MED14: variants seen among roughly 807,000 people sequenced by gnomAD.
MED14 encodes the protein mediator of RNA polymerase II transcription subunit 14.
Under a neutral mutation model 109.0 loss-of-function variants are expected in MED14, and 8 were observed. That is an observed-to-expected ratio of 0.07 (90% CI 0.04 to 0.13). The LOEUF is 0.13. MED14 is among the 10% of genes least tolerant of loss of function. MED14 has a pLI of 1.00. For missense variants in MED14, 711 were observed against 1,142.4 expected (o/e 0.62, Z 5.44); for synonymous variants, 399 against 408.7 (o/e 0.98, Z 0.29).
At chrX:40,674,813 G>C (rs2146643538) in intron 22 of MED14, among the ~76,000 whole-genome samples, 1 of 112,258 alleles carries the variant, frequency 8.9e-6, no homozygotes, top group African/African-American at 3.2e-5. Flanking sequence ...ATGGTCTTGA[G>C]GACAGAACCC....
chrX:40,708,190 C>T (rs976286134), intron 10 of MED14, among the ~76,000 whole-genome samples: 13 of 110,123 alleles, frequency 1.2e-4, no homozygotes, highest in African/African-American at 4.3e-4. Flanking sequence ...CTGGCAGATC[C>T]TTTATTTCTT....
intron 5 of MED14, among the ~76,000 whole-genome samples, chrX:40,713,341 G>A (rs1183509036): frequency 9.0e-6 from 1 of 111,593 alleles, no homozygotes; most frequent in Non-Finnish European, 1.9e-5. Context: ...GTATTTCTAG[G>A]TACTAAAGAG....
chrX:40,680,172 T>A, intron 20 of MED14, 39 bp from the exon 21 acceptor site: 1 of 1,172,196 alleles, frequency 8.5e-7, no homozygotes, highest in Non-Finnish European at 1.2e-6. Flanking sequence ...CCAGTTTCTG[T>A]ACAAATGTTA....
intron 28 of MED14, among the ~76,000 whole-genome samples, 176 bp from the exon 29 acceptor site, chrX:40,655,236 C>G (rs1393765648): frequency 9.0e-6 from 1 of 111,713 alleles, no homozygotes; most frequent in African/African-American, 3.3e-5. Flanking sequence ...ACTGAAAAGT[C>G]AACTGTGGAC....
chrX:40,651,182 T>C lies in MED14; in HGVS notation c.*624A>G. Reference sequence around the variant, plus strand: ...ATTTCAGACATGTATTATTATAAATTAATAACTGGCTCCATCCACCAGGTT... The same window carrying C: ...ATTTCAGACATGTATTATTATAAATCAATAACTGGCTCCATCCACCAGGTT... On this transcript the variant is annotated 3_prime_UTR_variant, in exon 31 of 31. Transcript: ENST00000324817. The C allele has an allele frequency of 5.3e-6, 4 of 751,812 alleles. No individual in the cohort carries two copies. Among genetic ancestry groups the C allele is most frequent in the Non-Finnish European group, 6.3e-6 (4 of 636,714 alleles). The allele number at this position is 751,812 out of a possible 1,213,427, so 62.0% of individuals were successfully genotyped here.
chrX:40,694,431 C>G (rs1367077558), intron 13 of MED14, among the ~76,000 whole-genome samples: 2 of 111,168 alleles, frequency 1.8e-5, no homozygotes, highest in African/African-American at 6.5e-5. Flanking sequence ...GGCTCCTGAC[C>G]AACACACATT....
chrX:40,699,233 G>C (rs1930833790), intron 12 of MED14, among the ~76,000 whole-genome samples: 1 of 112,232 alleles, frequency 8.9e-6, no homozygotes, highest in Admixed American at 9.4e-5. Context: ...TGGATTCATA[G>C]TTTTCTGAGG....
At chrX:40,728,512 A>G (rs1348807176) in intron 2 of MED14, among the ~76,000 whole-genome samples, 2 of 110,934 alleles carry the variant, frequency 1.8e-5, no homozygotes, top group Non-Finnish European at 3.8e-5. Flanking sequence ...GAAATGCTAA[A>G]AAGTTGCCAA....
Position 40,649,963 on chromosome X carries a change from T to C in MED14, c.*1843A>G, listed in dbSNP as rs909688474. 1.3e-6 allele frequency: 1 copy of C among 751,303 alleles called. No individual in the cohort carries two copies. The highest frequency in any genetic ancestry group is 1.6e-6 in the Non-Finnish European group (1 of 635,908). The allele number at this position is 751,303 out of a possible 1,213,427, so 61.9% of individuals were successfully genotyped here. A position where few individuals can be genotyped will look rare whatever the true frequency, so the allele number is the denominator to read the frequency against. On this transcript the variant is annotated 3_prime_UTR_variant, in exon 31 of 31. Coordinates refer to ENST00000324817, the MANE Select transcript of MED14 (RefSeq NM_004229.4). ...TGCAATTAACATTTCAAAACCACAT[T>C]AAAAGGGAAAATACCTAAAAAGTTA...
intron 21 of MED14, among the ~76,000 whole-genome samples, chrX:40,676,081 G>A (rs1156870736): frequency 8.9e-6 from 1 of 111,895 alleles, no homozygotes; most frequent in Non-Finnish European, 1.9e-5. Flanking sequence ...GATCCCTTGC[G>A]AGACCAACCT....
Position 40,664,409 on chromosome X carries a change from A to G in MED14, c.3346T>C (p.Ser1116Pro). 8.3e-7 allele frequency: 1 copy of G among 1,199,575 alleles called. No individual in the cohort carries two copies. Among genetic ancestry groups the G allele is most frequent in the Non-Finnish European group, 1.1e-6 (1 of 889,763 alleles). ...ATGCGTGCTGCTGGTGAGGGGCCAGACACTTGAGGAGATCCTGGCCAGTTC... is the reference window on the plus strand; with the variant it reads ...ATGCGTGCTGCTGGTGAGGGGCCAGGCACTTGAGGAGATCCTGGCCAGTTC... ...AGNWPGSPQV[S>P]GPSPAARMPG... The change falls in exon 25 of 31, where the codon TCT (serine) becomes CCT (proline). Residue 1116 changes from serine (S) to proline (P), a missense_variant. This residue lies in a region of MED14 where 100 missense variants were observed against 147.5 expected (regional missense o/e 0.68). Transcript: ENST00000324817.
chrX:40,684,563 C>T (rs1204838941), intron 16 of MED14, among the ~76,000 whole-genome samples: 1 of 112,177 alleles, frequency 8.9e-6, no homozygotes, highest in East Asian at 2.8e-4. Context: ...ACTACCTATC[C>T]GTTCTTCAAC....
chrX:40,657,421 G>A (rs937620645), intron 28 of MED14, among the ~76,000 whole-genome samples: 1 of 110,972 alleles, frequency 9.0e-6, no homozygotes, highest in South Asian at 3.8e-4. Flanking sequence ...ACCATGTGAC[G>A]ACAGAGGCAG....
At chrX:40,668,509 T>C (rs917239903) in intron 23 of MED14, among the ~76,000 whole-genome samples, 1 of 111,763 alleles carries the variant, frequency 8.9e-6, no homozygotes, top group Non-Finnish European at 1.9e-5. Context: ...GGACTAGTTT[T>C]AATTTAGGAT....
chrX:40,674,761 A>G (rs775903822), intron 22 of MED14, among the ~76,000 whole-genome samples: 1 of 112,339 alleles, frequency 8.9e-6, no homozygotes, highest in East Asian at 2.8e-4. Context: ...GTGACAGGAC[A>G]GAACTGAAAG....
intron 21 of MED14, among the ~76,000 whole-genome samples, chrX:40,677,671 G>C (rs1381078222): frequency 9.0e-6 from 1 of 111,423 alleles, no homozygotes; most frequent in African/African-American, 3.3e-5. Flanking sequence ...AGAAAAAAGA[G>C]ACAAAAAAAC....
In MED14 at chrX:40,650,992, A is replaced by G; in HGVS notation, c.*814T>C. On this transcript the variant is annotated 3_prime_UTR_variant, in exon 31 of 31. Coordinates refer to ENST00000324817, the MANE Select transcript of MED14 (RefSeq NM_004229.4). ...TTGCATTATTTGGGATCCTTGATCA[A>G]TACGAACCACATACTGTCCCTTCTC... 1 of 752,804 alleles carries G rather than the reference A, an allele frequency of 1.3e-6. No homozygotes were observed. The highest frequency in any genetic ancestry group is 1.6e-6 in the Non-Finnish European group (1 of 637,737). The allele number at this position is 752,804 out of a possible 1,213,427, so 62.0% of individuals were successfully genotyped here.
At chrX:40,715,643 G>A (rs1452432120) in intron 3 of MED14, among the ~76,000 whole-genome samples, 1 of 108,779 alleles carries the variant, frequency 9.2e-6, no homozygotes, top group Non-Finnish European at 1.9e-5. Context: ...AAAATTAGCT[G>A]GGCGCGGTGG....
At chrX:40,655,975 CCATA>C (rs962121297) in intron 28 of MED14, among the ~76,000 whole-genome samples, 1 of 111,027 alleles carries the variant, frequency 9.0e-6, no homozygotes, top group Non-Finnish European at 1.9e-5. Flanking sequence ...ATATATCTCC[CCATA>C]CAGAGAAGAT....
Sources: allele counts gnomAD v4.1 joint callset (sites outside exome capture counted in the v4.1 genomes callset), GRCh38; gene constraint gnomAD v4.1.1; regional missense constraint gnomAD v4.1.1; transcripts MANE v1.5; gene names NCBI Gene and HGNC (gene_info 2026-07-23, HGNC 2026-07-21).